Variants in PPP3CA observed in about 807,000 individuals in gnomAD.
The protein encoded by PPP3CA is protein phosphatase 3 catalytic subunit alpha, also known as CAM-PRP catalytic subunit.
Under a neutral mutation model 66.5 loss-of-function variants are expected in PPP3CA, and 14 were observed. That is an observed-to-expected ratio of 0.21 (90% CI 0.14 to 0.33). PPP3CA has a LOEUF of 0.33. Among genes scored for constraint, PPP3CA ranks in the 10% least tolerant of loss-of-function variants. The pLI is 1.00. For synonymous variants in PPP3CA, 232 were observed against 226.2 expected, an observed-to-expected ratio of 1.03 and a Z score of -0.23; for missense variants, 317 against 639.5, an observed-to-expected ratio of 0.50 and a Z score of 5.44.
intron 2 of PPP3CA, 141 bp downstream of exon 2, chr4:101,195,775 T>C: frequency 1.5e-6 from 1 of 647,866 alleles, no homozygotes; most frequent in Non-Finnish European, 2.6e-6. Flanking sequence ...ATATACTTAC[T>C]ACTCTAATGT....
chr4:101,238,724 G>A (rs1336346463), intron 1 of PPP3CA, among the ~76,000 whole-genome samples: 2 of 151,954 alleles, frequency 1.3e-5, no homozygotes, highest in African/African-American at 4.8e-5. Flanking sequence ...GATCTTAATC[G>A]TTTTGGTGGG....
chr4:101,193,352 T>C (rs913260339), intron 2 of PPP3CA, among the ~76,000 whole-genome samples: 1 of 152,156 alleles, frequency 6.6e-6, no homozygotes, highest in Non-Finnish European at 1.5e-5. Context: ...TTCAACTACA[T>C]TTTTTGGGAA....
intron 2 of PPP3CA, among the ~76,000 whole-genome samples, chr4:101,137,512 T>A (rs1487354837): frequency 6.6e-6 from 1 of 152,048 alleles, no homozygotes; most frequent in Non-Finnish European, 1.5e-5. Flanking sequence ...TTGGGAATCA[T>A]GTCATTTCCA....
chr4:101,043,802 G>C (rs1424090351), intron 10 of PPP3CA, among the ~76,000 whole-genome samples: 2 of 152,096 alleles, frequency 1.3e-5, no homozygotes, highest in Non-Finnish European at 2.9e-5. Flanking sequence ...TTGAACCTGG[G>C]AGGCAGAGGT....
intron 1 of PPP3CA, among the ~76,000 whole-genome samples, chr4:101,209,917 TAAAG>T (rs1365082926): frequency 3.3e-5 from 5 of 151,836 alleles, no homozygotes; most frequent in Non-Finnish European, 7.4e-5. Flanking sequence ...AAATACAAAG[TAAAG>T]AAAAATTACA....
intron 1 of PPP3CA, among the ~76,000 whole-genome samples, chr4:101,224,064 T>C (rs531495458): frequency 6.6e-6 from 1 of 151,834 alleles, no homozygotes; most frequent in Admixed American, 6.6e-5. Flanking sequence ...TGAAATGACT[T>C]CTAATAACAT....
chr4:101,251,447 T>C (rs1182524601), intron 1 of PPP3CA, among the ~76,000 whole-genome samples: 1 of 152,006 alleles, frequency 6.6e-6, no homozygotes, highest in East Asian at 1.9e-4. Flanking sequence ...TAACAATAAA[T>C]GGAAACACCT....
intron 2 of PPP3CA, among the ~76,000 whole-genome samples, chr4:101,114,685 A>G (rs1163727067): frequency 6.6e-6 from 1 of 152,100 alleles, no homozygotes; most frequent in Admixed American, 6.6e-5. Context: ...TTACTTTTGC[A>G]TAACTGCCTT....
At chr4:101,237,066 A>G (rs1424185689) in intron 1 of PPP3CA, among the ~76,000 whole-genome samples, 1 of 150,106 alleles carries the variant, frequency 6.7e-6, no homozygotes, top group African/African-American at 2.5e-5. Context: ...TGGCAACTAG[A>G]TCATTAAAAT....
chr4:101,183,325 T>G (rs1456473597), intron 2 of PPP3CA, among the ~76,000 whole-genome samples: 2 of 152,126 alleles, frequency 1.3e-5, no homozygotes, highest in Non-Finnish European at 2.9e-5. Flanking sequence ...TTAAAATTTT[T>G]AGTTGCATGA....
chr4:101,249,315 CTT>C lies in PPP3CA; in HGVS notation c.59-53201_59-53200del, dbSNP rs1306989396. 3.3e-5 allele frequency among the ~76,000 whole-genome samples: 5 copies of C among 152,042 alleles called. No homozygotes were observed. The East Asian group carries it at 9.6e-4, about 29-fold the overall frequency. The stretch of plus-strand genomic sequence containing the variant: ...ATAGCATTAGCAAAACTAAAAGAAA[CTT>C]AGCTATAAATTTTTATTTTATGTCA... On this transcript the variant is annotated intron_variant, in intron 1 of 13. Transcript: ENST00000394854.
intron 3 of PPP3CA, among the ~76,000 whole-genome samples, chr4:101,101,011 G>A (rs1390361182): frequency 6.6e-6 from 1 of 152,040 alleles, no homozygotes; most frequent in Non-Finnish European, 1.5e-5. Context: ...CAGAACAAAT[G>A]TTTATTATTT....
intron 5 of PPP3CA, among the ~76,000 whole-genome samples, chr4:101,096,841 C>T (rs1730217160): frequency 6.6e-6 from 1 of 152,260 alleles, no homozygotes; most frequent in African/African-American, 2.4e-5. Flanking sequence ...TGGGAAAACA[C>T]TGTTTACTAA....
intron 1 of PPP3CA, among the ~76,000 whole-genome samples, chr4:101,227,316 C>T (rs577674673): frequency 2.8e-4 from 43 of 151,846 alleles, no homozygotes; most frequent in Admixed American, 6.6e-4. Context: ...GCTTTTTCTT[C>T]ATAATCTGCT....
rs117521503 is a variant in PPP3CA at position 101,230,002 on chromosome 4, T to C, written c.59-33886A>G. Among the ~76,000 whole-genome samples the C allele has an allele frequency of 7.8e-4, 119 of 151,806 alleles. No individual in the cohort carries two copies. In the East Asian group the frequency reaches 0.02, roughly 26 times the overall value. ...CATTTATCACCAGTATTGAGATACA[T>C]AAAGAGAGGTGGCTAGATAAATACA... On this transcript the variant is annotated intron_variant, in intron 1 of 13. Coordinates refer to ENST00000394854, the MANE Select transcript of PPP3CA (RefSeq NM_000944.5).
At chr4:101,233,705 T>C (rs889194953) in intron 1 of PPP3CA, among the ~76,000 whole-genome samples, 9 of 149,016 alleles carry the variant, frequency 6.0e-5, no homozygotes, top group African/African-American at 2.2e-4. Context: ...AATGAAAACG[T>C]TTAGTCCTAA....
chr4:101,263,431 T>C (rs1044854765), intron 1 of PPP3CA, among the ~76,000 whole-genome samples: 5 of 152,188 alleles, frequency 3.3e-5, no homozygotes, highest in African/African-American at 9.7e-5. Context: ...TTCAATCTTA[T>C]AATCAACAAA....
intron 1 of PPP3CA, among the ~76,000 whole-genome samples, chr4:101,333,362 C>A (rs1450830389): frequency 7.9e-6 from 1 of 126,916 alleles, no homozygotes; most frequent in South Asian, 2.5e-4. Flanking sequence ...TTCCTAGGCT[C>A]AAGTCCTCCC....
intron 1 of PPP3CA, among the ~76,000 whole-genome samples, chr4:101,271,650 G>A (rs2110266788): frequency 6.6e-6 from 1 of 152,288 alleles, no homozygotes; most frequent in Non-Finnish European, 1.5e-5. Context: ...AGGGAGGGAA[G>A]AGGATCATGC....
Sources: allele counts gnomAD v4.1 joint callset (sites outside exome capture counted in the v4.1 genomes callset), GRCh38; gene constraint gnomAD v4.1.1; transcripts MANE v1.5; gene names NCBI Gene and HGNC (gene_info 2026-07-23, HGNC 2026-07-21).